Variants in TPD52L1 observed in about 807,000 individuals in gnomAD.
TPD52L1 encodes the protein TPD52 like 1, also known as tumor protein D53.
A neutral mutation model predicts 28.7 loss-of-function variants in TPD52L1; 18 were observed. The observed-to-expected ratio is 0.63, with a 90% confidence interval of 0.43 to 0.93. The LOEUF (loss-of-function observed/expected upper bound fraction) is 0.93, where lower values mean the gene tolerates loss of function less well. Among genes scored for constraint, TPD52L1 ranks in the 40% least tolerant of loss-of-function variants. TPD52L1 has a pLI of 0.00. For synonymous variants in TPD52L1, 75 were observed against 88.8 expected, an observed-to-expected ratio of 0.84 and a Z score of 0.88; for missense variants, 203 against 254.8, an observed-to-expected ratio of 0.80 and a Z score of 1.39.
At position 125,260,965 on chromosome 6, in the gene TPD52L1, A is replaced by T. The variant is rs1368334625; in HGVS notation, c.487-1869A>T. On this transcript the variant is annotated intron_variant, in intron 6 of 6. Transcript: ENST00000534000. Reference sequence around the variant, plus strand: ...GAAAGAAAGAAAGAAAGAAAGAAAGAAAGAAAGAAAGAAAAGAAAAGAAAG... The same window carrying T: ...GAAAGAAAGAAAGAAAGAAAGAAAGTAAGAAAGAAAGAAAAGAAAAGAAAG... 7 of 43,176 alleles carry T rather than the reference A, an allele frequency of 1.6e-4. 1 individual carries two copies. Among genetic ancestry groups the T allele is most frequent in the African/African-American group, 1.6e-3 (7 of 4,456 alleles). 2.7% of individuals were successfully genotyped at this position (43,176 alleles called of 1,614,324 possible).
Position 125,153,917 on chromosome 6 carries a change from G to A in TPD52L1, c.-35G>A, listed in dbSNP as rs1218469108. On this transcript the variant is annotated 5_prime_UTR_variant, in exon 1 of 7. In the 5' UTR this introduces an upstream ATG that the reference lacks. Transcript: ENST00000534000. The stretch of plus-strand genomic sequence containing the variant: ...GCCATCTGCTCTGGGAAGCACCAGG[G>A]TGTCCCCGCCGCCCTCAGCTCGAAG... The A allele has an allele frequency of 3.1e-6, 5 of 1,595,394 alleles. No homozygotes were observed. Among genetic ancestry groups the A allele is most frequent in the African/African-American group, 1.3e-5 (1 of 74,720 alleles).
chr6:125,184,309 A>G (rs1309274667), intron 1 of TPD52L1, among the ~76,000 whole-genome samples: 50 of 152,198 alleles, frequency 3.3e-4, no homozygotes, highest in Non-Finnish European at 1.5e-5. Context: ...CACTAGCAAA[A>G]TGGATGGGAT....
chr6:125,189,024 A>C, intron 1 of TPD52L1, among the ~76,000 whole-genome samples: 1 of 152,238 alleles, frequency 6.6e-6, no homozygotes, highest in East Asian at 1.9e-4. Context: ...CTGCTGTGGT[A>C]GATGCCTTAG....
chr6:125,172,158 TTTC>T (rs1381754802), intron 1 of TPD52L1, among the ~76,000 whole-genome samples: 2 of 37,024 alleles, frequency 5.4e-5, no homozygotes, highest in Admixed American at 2.8e-4. Flanking sequence ...CTTTCTTTCT[TTTC>T]TTTCTTTCTT....
At position 125,208,248 on chromosome 6, in the gene TPD52L1, A is replaced by G. The variant is rs565735962; in HGVS notation, c.20-11830A>G. Among the ~76,000 whole-genome samples the G allele has an allele frequency of 9.2e-5, 14 of 152,340 alleles. No homozygotes were observed. In the South Asian group the frequency reaches 2.7e-3, roughly 29 times the overall value. On this transcript the variant is annotated intron_variant, in intron 1 of 6. Transcript: ENST00000534000. ...AAGGCCAAGATATCATTAGAGAGCAACAAAGAGTAGCCTGATAGCAATTCT... is the reference window on the plus strand; with the variant it reads ...AAGGCCAAGATATCATTAGAGAGCAGCAAAGAGTAGCCTGATAGCAATTCT...
At chr6:125,192,652 T>C (rs952457029) in intron 1 of TPD52L1, among the ~76,000 whole-genome samples, 4 of 152,306 alleles carry the variant, frequency 2.6e-5, no homozygotes, top group Middle Eastern at 6.8e-3. Flanking sequence ...CTGAGCCCGC[T>C]TTTCTGAATT....
At chr6:125,202,087 C>T (rs563942398) in intron 1 of TPD52L1, among the ~76,000 whole-genome samples, 225 of 152,206 alleles carry the variant, frequency 1.5e-3, no homozygotes, top group African/African-American at 5.1e-3. Context: ...TGGGTCCAGG[C>T]GTGATGTGTT....
At chr6:125,172,157 T>TTTTCTTTCTTTCTTTCTTTC (rs200343475) in intron 1 of TPD52L1, among the ~76,000 whole-genome samples, 2 of 54,010 alleles carry the variant, frequency 3.7e-5, no homozygotes, top group Non-Finnish European at 6.7e-5. Flanking sequence ...TCTTTCTTTC[T>TTTTCTTTCTTTCTTTCTTTC]TTTCTTTCTT....
intron 1 of TPD52L1, among the ~76,000 whole-genome samples, chr6:125,162,537 T>A (rs1036349489): frequency 1.3e-5 from 2 of 152,342 alleles, no homozygotes; most frequent in Middle Eastern, 3.4e-3. Flanking sequence ...ATTACTGCAG[T>A]AATAGCAAAT....
intron 1 of TPD52L1, among the ~76,000 whole-genome samples, chr6:125,159,967 A>G (rs1402104132): frequency 1.3e-5 from 2 of 152,168 alleles, no homozygotes; most frequent in Non-Finnish European, 2.9e-5. Context: ...TGCTGTTCTC[A>G]TGATAGCAAG....
rs983057522 is a variant in TPD52L1, at chr6:125,154,084, T to A, written c.19+114T>A. 8 of 1,452,418 alleles carry A rather than the reference T, an allele frequency of 5.5e-6. No homozygotes were observed. In the Admixed American group the frequency reaches 1.4e-4, roughly 25 times the overall value. 90.0% of individuals were successfully genotyped at this position (1,452,418 alleles called of 1,614,324 possible). On this transcript the variant is annotated intron_variant, in intron 1 of 6. Transcript: ENST00000534000. The stretch of plus-strand genomic sequence containing the variant: ...GAACAGATTGGTGCCGTGTTGCACA[T>A]CCAGAACTCCACTCCCACCCGCGCC...
intron 2 of TPD52L1, among the ~76,000 whole-genome samples, chr6:125,225,408 A>G (rs544771760): frequency 9.8e-5 from 15 of 152,312 alleles, no homozygotes; most frequent in African/African-American, 3.1e-4. Context: ...TTCTGTGTTT[A>G]ACTTTCTGAG....
chr6:125,172,066 TTCTTTCTTTCTTTC>T (rs1318549417), intron 1 of TPD52L1, among the ~76,000 whole-genome samples: 1,597 of 133,840 alleles, frequency 0.012, 51 homozygotes, highest in African/African-American at 0.055. Context: ...TTTCTCTTCT[TTCTTTCTTTCTTTC>T]TCTTTCTTTC....
intron 1 of TPD52L1, among the ~76,000 whole-genome samples, chr6:125,218,812 A>G (rs1390886181): frequency 6.6e-6 from 1 of 152,212 alleles, no homozygotes; most frequent in Non-Finnish European, 1.5e-5. Context: ...CTTTCTCCTT[A>G]GTTCAGCTAA....
chr6:125,187,407 G>A (rs985677868), intron 1 of TPD52L1, among the ~76,000 whole-genome samples: 1 of 152,016 alleles, frequency 6.6e-6, no homozygotes, highest in Non-Finnish European at 1.5e-5. Context: ...TTCTTCTCCT[G>A]GAACTAAAAT....
At position 125,154,116 on chromosome 6, in the gene TPD52L1, A is replaced by G. The variant is rs1582813954; in HGVS notation, c.19+146A>G. On this transcript the variant is annotated intron_variant, in intron 1 of 6. Transcript: ENST00000534000. Reference sequence around the variant, plus strand: ...CTCCACTCCCACCCGCGCCTTTGGTATAATGCCTGCTGCCCAAACTCAGGA... The same window carrying G: ...CTCCACTCCCACCCGCGCCTTTGGTGTAATGCCTGCTGCCCAAACTCAGGA... The G allele has an allele frequency of 3.5e-6, 5 of 1,418,218 alleles. No individual in the cohort carries two copies. In the South Asian group the frequency reaches 5.9e-5, roughly 17 times the overall value. The allele number at this position is 1,418,218 out of a possible 1,614,324, so 87.9% of individuals were successfully genotyped here.
chr6:125,221,572 G>A (rs1795235755), intron 2 of TPD52L1, among the ~76,000 whole-genome samples: 2 of 151,864 alleles, frequency 1.3e-5, no homozygotes, highest in Admixed American at 6.6e-5. Context: ...GGATTACTGG[G>A]GTATACATAC....
chr6:125,179,293 A>C (rs947430010), intron 1 of TPD52L1, among the ~76,000 whole-genome samples: 1 of 152,264 alleles, frequency 6.6e-6, no homozygotes, highest in African/African-American at 2.4e-5. Context: ...CCTGCAGAAC[A>C]CAATGGGTTT....
At chr6:125,259,483 CT>C (rs1221687295) in intron 6 of TPD52L1, among the ~76,000 whole-genome samples, 3 of 152,220 alleles carry the variant, frequency 2.0e-5, no homozygotes, top group Admixed American at 6.5e-5. Flanking sequence ...GACACTGCAG[CT>C]GATGTCACCT....
Sources: gnomAD v4.1 joint callset for allele counts (sites outside exome capture counted in the v4.1 genomes callset) on GRCh38, gnomAD v4.1.1 for gene constraint, MANE v1.5 for transcripts, NCBI Gene and HGNC (gene_info 2026-07-23, HGNC 2026-07-21) for gene names.